PALLD: variants seen among roughly 807,000 people sequenced by gnomAD.
PALLD encodes palladin.
Under a neutral mutation model 123.5 loss-of-function variants are expected in PALLD, and 61 were observed. The observed-to-expected ratio is 0.49, with a 90% CI of 0.40 to 0.61. PALLD has a LOEUF of 0.61. Among genes scored for constraint, PALLD ranks in the 20% least tolerant of loss-of-function variants. The probability of loss-of-function intolerance (pLI) is 0.00; values close to 1 mark genes in which losing one functional copy is unlikely to be tolerated. For synonymous variants in PALLD, 465 were observed against 496.4 expected (o/e 0.94, Z 0.84); for missense variants, 1,273 against 1,377.0 (o/e 0.92, Z 1.20).
At chr4:168,905,815 T>G (rs1387352159) in intron 15 of PALLD, among the ~76,000 whole-genome samples, 1 of 150,566 alleles carries the variant, frequency 6.6e-6, no homozygotes, top group African/African-American at 2.4e-5. Flanking sequence ...TTTTTTCTTT[T>G]TTGAGACGGA....
chr4:168,684,448 A>G (rs28703894), intron 5 of PALLD, among the ~76,000 whole-genome samples: 2 of 152,188 alleles, frequency 1.3e-5, no homozygotes, highest in Non-Finnish European at 2.9e-5. Context: ...TCCCAGTTCT[A>G]TCACTTCCTA....
chr4:168,679,217 G>GTGT (rs1580919404), intron 3 of PALLD, among the ~76,000 whole-genome samples: 1 of 112,204 alleles, frequency 8.9e-6, no homozygotes, highest in Non-Finnish European at 1.9e-5. Context: ...ATGTGTGTGG[G>GTGT]GTGTGTGTGT....
intron 2 of PALLD, among the ~76,000 whole-genome samples, chr4:168,546,904 AT>A (rs375940232): frequency 1.0e-3 from 156 of 152,234 alleles, no homozygotes; most frequent in African/African-American, 3.6e-3. Flanking sequence ...ATAGCCACAG[AT>A]TTTTTTATTC....
rs995371572 is a variant in PALLD at position 168,750,818 on chromosome 4, C to T, written c.1964+38895C>T. ...CTTCTCCAGAAAGACTTTCCTAATA[C>T]TTCTAACTGGAATTGTTCTCCATTT... is the stretch of plus-strand genomic sequence containing the variant. On this transcript the variant is annotated intron_variant, in intron 10 of 21. Transcript: ENST00000505667. Among the ~76,000 whole-genome samples the T allele has an allele frequency of 5.9e-5, 9 of 152,152 alleles. 1 individual carries two copies. The highest frequency in any genetic ancestry group is 3.9e-4 in the Admixed American group (6 of 15,274).
intron 10 of PALLD, among the ~76,000 whole-genome samples, chr4:168,737,822 A>C (rs553582231): frequency 5.3e-4 from 80 of 152,326 alleles, no homozygotes; most frequent in African/African-American, 1.7e-3. Flanking sequence ...GGCGTAGCTT[A>C]GTAGTTTAGT....
At chr4:168,916,298 T>C (rs967680431) in intron 17 of PALLD, among the ~76,000 whole-genome samples, 4 of 151,848 alleles carry the variant, frequency 2.6e-5, no homozygotes, top group African/African-American at 7.3e-5. Flanking sequence ...TATAGTCCCA[T>C]CTACTTGGGA....
At chr4:168,800,648 A>T (rs1739191922) in intron 10 of PALLD, among the ~76,000 whole-genome samples, 1 of 152,232 alleles carries the variant, frequency 6.6e-6, no homozygotes, top group Admixed American at 6.5e-5. Flanking sequence ...TATTTCATAT[A>T]CTGCCAGTGG....
At chr4:168,712,397 G>T in intron 10 of PALLD, 1 of 215,948 alleles carries the variant, frequency 4.6e-6, no homozygotes, top group African/African-American at 2.3e-5. Context: ...ATCCTGGCAG[G>T]GCAATGAAAC....
chr4:168,757,616 T>A (rs890148517), intron 10 of PALLD, among the ~76,000 whole-genome samples: 15 of 152,240 alleles, frequency 9.9e-5, no homozygotes, highest in Non-Finnish European at 1.9e-4. Flanking sequence ...TGTCCATCTG[T>A]AATTAGACCT....
chr4:168,504,538 G>A (rs1374018515), intron 1 of PALLD, among the ~76,000 whole-genome samples: 1 of 147,302 alleles, frequency 6.8e-6, no homozygotes, highest in African/African-American at 2.5e-5. Flanking sequence ...ATCTTGCAGT[G>A]AACTGAGATC....
intron 2 of PALLD, among the ~76,000 whole-genome samples, chr4:168,567,421 C>T (rs1768507090): frequency 6.6e-6 from 1 of 151,638 alleles, no homozygotes; most frequent in Non-Finnish European, 1.5e-5. Context: ...TGAAAAAATG[C>T]TCAACATTAC....
chr4:168,861,169 A>G (rs1188651745), intron 10 of PALLD, among the ~76,000 whole-genome samples: 2 of 152,244 alleles, frequency 1.3e-5, no homozygotes, highest in African/African-American at 4.8e-5. Flanking sequence ...GTAAACTTCA[A>G]AACTAATTAC....
chr4:168,523,988 G>C (rs574470046), intron 2 of PALLD, among the ~76,000 whole-genome samples: 82 of 152,088 alleles, frequency 5.4e-4, no homozygotes, highest in Non-Finnish European at 9.0e-4. Flanking sequence ...AACATTTCTT[G>C]AGTACTTAGT....
intron 10 of PALLD, among the ~76,000 whole-genome samples, chr4:168,859,318 T>C (rs1318328460): frequency 6.6e-6 from 1 of 152,152 alleles, no homozygotes; most frequent in Non-Finnish European, 1.5e-5. Context: ...GGCCTTGTAG[T>C]TGATCTGAAC....
intron 2 of PALLD, among the ~76,000 whole-genome samples, chr4:168,550,286 T>TA (rs1766595854): frequency 6.6e-6 from 1 of 151,828 alleles, no homozygotes; most frequent in Non-Finnish European, 1.5e-5. Flanking sequence ...CATTTTTTTT[T>TA]ATCAAAACAG....
intron 8 of PALLD, among the ~76,000 whole-genome samples, chr4:168,706,431 A>C (rs1215899583): frequency 6.6e-6 from 1 of 152,216 alleles, no homozygotes; most frequent in Admixed American, 6.5e-5. Flanking sequence ...CAACTCTTGC[A>C]ATTTTAAACC....
At chr4:168,640,271 T>A (rs1054246601) in intron 2 of PALLD, among the ~76,000 whole-genome samples, 11 of 152,210 alleles carry the variant, frequency 7.2e-5, no homozygotes, top group African/African-American at 1.2e-4. Context: ...TGAGCTTTTT[T>A]CCCTTTGTTC....
At chr4:168,738,342 G>A (rs554301239) in intron 10 of PALLD, among the ~76,000 whole-genome samples, 2 of 152,306 alleles carry the variant, frequency 1.3e-5, no homozygotes, top group African/African-American at 4.8e-5. Flanking sequence ...GAGCATACAC[G>A]AGACTTGTAT....
intron 10 of PALLD, among the ~76,000 whole-genome samples, chr4:168,795,835 C>T (rs187333747): frequency 1.3e-5 from 2 of 151,882 alleles, no homozygotes; most frequent in South Asian, 2.1e-4. Flanking sequence ...CAAACTCCCC[C>T]GTAGCTGTGA....
Sources: gnomAD v4.1 joint callset for allele counts (sites outside exome capture counted in the v4.1 genomes callset) on GRCh38, gnomAD v4.1.1 for gene constraint, MANE v1.5 for transcripts, NCBI Gene and HGNC (gene_info 2026-07-23, HGNC 2026-07-21) for gene names.